The following KLHL13 variants were observed in gnomAD, a reference collection of about 807,000 sequenced individuals.
KLHL13 encodes the protein kelch-like protein 13.
A neutral mutation model predicts 37.1 loss-of-function variants in KLHL13; 10 were observed. The observed-to-expected ratio is 0.27, with a 90% CI of 0.17 to 0.46. KLHL13 has a LOEUF of 0.46. Among genes scored for constraint, KLHL13 ranks in the 20% least tolerant of loss-of-function variants. The probability of loss-of-function intolerance (pLI) is 1.00; values close to 1 mark genes in which losing one functional copy is unlikely to be tolerated. For synonymous variants in KLHL13, 163 were observed against 181.2 expected (o/e 0.90, Z 0.81); for missense variants, 360 against 509.3 (o/e 0.71, Z 2.82).
At chrX:117,983,599 GT>G (rs1374921191) in intron 1 of KLHL13, 1 of 866,394 alleles carries the variant, frequency 1.2e-6, no homozygotes, top group African/African-American at 2.0e-5. Context: ...ATTATATTTA[GT>G]TCAAATTTTT....
At chrX:118,045,773 C>T (rs2054554037) in intron 1 of KLHL13, among the ~76,000 whole-genome samples, 1 of 111,511 alleles carries the variant, frequency 9.0e-6, no homozygotes, top group Non-Finnish European at 1.9e-5. Context: ...AGCCACTGCA[C>T]TCCAGCTTGG....
rs148927471 is a variant in KLHL13, at chrX:118,100,275, T to C, written c.-56+16233A>G. 8.8e-3 allele frequency among the ~76,000 whole-genome samples: 987 copies of C among 111,838 alleles called. 13 individuals are homozygous for C. The highest frequency in any genetic ancestry group is 0.03 in the African/African-American group (925 of 30,785). On this transcript the variant is annotated intron_variant, in intron 1 of 6. Transcript: ENST00000371882. ...TCTCCGAATGGCTGGCAAAATAGCA[T>C]GGGCCGATGCTGCAGCTGCTACCAC...
At chrX:117,985,104 A>G (rs1263790985) in intron 1 of KLHL13, 2 of 389,531 alleles carry the variant, frequency 5.1e-6, no homozygotes, top group Non-Finnish European at 8.5e-6. Context: ...ATGGTTACCA[A>G]TATGTCTCCT....
At chrX:118,018,404 C>A (rs2054153162) in intron 1 of KLHL13, among the ~76,000 whole-genome samples, 1 of 111,688 alleles carries the variant, frequency 9.0e-6, no homozygotes, top group African/African-American at 3.2e-5. Context: ...ATATTTGTTG[C>A]ATCATAAACA....
chrX:117,925,822 C>T (rs757031535), intron 2 of KLHL13, among the ~76,000 whole-genome samples: 3 of 111,567 alleles, frequency 2.7e-5, no homozygotes, highest in Non-Finnish European at 5.6e-5. Context: ...AATATCCTTC[C>T]TCCTTCAAAG....
intron 4 of KLHL13, 63 bp downstream of exon 5, chrX:117,919,458 T>A: frequency 1.2e-5 from 11 of 915,389 alleles, no homozygotes; most frequent in Non-Finnish European, 1.7e-5. Flanking sequence ...GCAGATTTCA[T>A]GAGTCCTAAA....
chrX:118,044,397 A>T (rs1352078692), intron 1 of KLHL13, among the ~76,000 whole-genome samples: 1 of 102,325 alleles, frequency 9.8e-6, no homozygotes, highest in African/African-American at 3.6e-5. Flanking sequence ...ATTAATAAGA[A>T]CCACAAAAGA....
At chrX:117,992,234 TA>T (rs773486522) in intron 1 of KLHL13, among the ~76,000 whole-genome samples, 1,660 of 83,782 alleles carry the variant, frequency 0.02, 24 homozygotes, top group Non-Finnish European at 0.024. Flanking sequence ...AACTGAGATG[TA>T]AAAAAAAAAA....
intron 1 of KLHL13, among the ~76,000 whole-genome samples, chrX:117,992,336 ACT>A (rs1340941813): frequency 9.1e-6 from 1 of 109,808 alleles, no homozygotes; most frequent in African/African-American, 3.3e-5. Flanking sequence ...ACCTTTCCTG[ACT>A]CTCTGCTCCC....
At chrX:117,963,206 T>TG (rs1369784922) in intron 1 of KLHL13, among the ~76,000 whole-genome samples, 7 of 111,458 alleles carry the variant, frequency 6.3e-5, no homozygotes, top group African/African-American at 2.3e-4. Flanking sequence ...GACATAAATG[T>TG]GGGGGGGAAA....
At chrX:118,091,523 C>A (rs940964914) in intron 1 of KLHL13, among the ~76,000 whole-genome samples, 4 of 110,850 alleles carry the variant, frequency 3.6e-5, no homozygotes, top group African/African-American at 1.3e-4. Context: ...ATAGGCTCAA[C>A]AGCAGAATGG....
At chrX:118,074,172 T>C (rs1342608089) in intron 1 of KLHL13, among the ~76,000 whole-genome samples, 1 of 112,016 alleles carries the variant, frequency 8.9e-6, no homozygotes, top group East Asian at 2.8e-4. Flanking sequence ...GTCTCCTTGG[T>C]GTGAAAGAAC....
At chrX:118,080,745 C>T (rs1172355783) in intron 1 of KLHL13, among the ~76,000 whole-genome samples, 1 of 112,101 alleles carries the variant, frequency 8.9e-6, no homozygotes, top group African/African-American at 3.2e-5. Flanking sequence ...TTTGATTCAG[C>T]AATCCCATTA....
intron 1 of KLHL13, among the ~76,000 whole-genome samples, chrX:118,074,375 A>G (rs2054906588): frequency 9.0e-6 from 1 of 111,665 alleles, no homozygotes. Flanking sequence ...TAGTGTAATA[A>G]ATTTGTTGGC....
rs10596292 is a variant in KLHL13, at chrX:117,926,885, C to CTTTTTTTTTTTTTTTTTTT, written c.241-6534_241-6516dup. Among the ~76,000 whole-genome samples the CTTTTTTTTTTTTTTTTTTT allele has an allele frequency of 1.1e-4, 3 of 26,155 alleles. 1 individual carries two copies. The highest frequency in any genetic ancestry group is 2.6e-3 in the East Asian group (2 of 770). The allele number at this position is 26,155 out of a possible 115,157, so 22.7% of individuals were successfully genotyped here. A position where few individuals can be genotyped will look rare whatever the true frequency, so the allele number is the denominator to read the frequency against. On this transcript the variant is annotated intron_variant, in intron 2 of 6. Coordinates refer to ENST00000262820, the Ensembl canonical transcript of KLHL13. ...AAGCTCCAGGAGAAGCCCCCTACTT[C>CTTTTTTTTTTTTTTTTTTT]TTTTTTTTTTTTTTTTTTTTTTTTT...
intron 2 of KLHL13, 116 bp downstream of exon 3, chrX:117,945,318 T>C: frequency 5.9e-6 from 4 of 682,024 alleles, no homozygotes; most frequent in Non-Finnish European, 8.5e-6. Context: ...ACCATACATT[T>C]CCTATTCACA....
chrX:118,004,155 G>A (rs191032625), intron 1 of KLHL13, among the ~76,000 whole-genome samples: 1 of 111,695 alleles, frequency 9.0e-6, no homozygotes, highest in East Asian at 2.8e-4. Flanking sequence ...CATGAAAAGG[G>A]AGAAAACTAG....
intron 1 of KLHL13, among the ~76,000 whole-genome samples, chrX:118,091,006 T>A (rs2055126863): frequency 9.4e-6 from 1 of 106,787 alleles, no homozygotes; most frequent in African/African-American, 3.4e-5. Context: ...GAAACCATCA[T>A]TCTCAGCAAA....
chrX:118,074,349 T>C (rs1318467229), intron 1 of KLHL13, among the ~76,000 whole-genome samples: 1 of 111,970 alleles, frequency 8.9e-6, no homozygotes, highest in East Asian at 2.8e-4. Context: ...CAGCAGACAT[T>C]CATGTGTATT....
Sources: allele counts gnomAD v4.1 joint callset (sites outside exome capture counted in the v4.1 genomes callset), GRCh38; gene constraint gnomAD v4.1.1; transcripts MANE v1.5; gene names NCBI Gene and HGNC (gene_info 2026-07-23, HGNC 2026-07-21).